Variants in CIT observed in about 807,000 individuals in gnomAD.
CIT encodes citron Rho-interacting kinase.
CIT carries 79 observed loss-of-function variants against 272.7 expected under a neutral mutation model. The ratio of observed to expected loss-of-function variants is 0.29; its 90% CI spans 0.24 to 0.35. The LOEUF is 0.35. Among genes scored for constraint, CIT ranks in the 10% least tolerant of loss-of-function variants. The probability of loss-of-function intolerance (pLI) is 1.00; values close to 1 mark genes in which losing one functional copy is unlikely to be tolerated. For missense variants in CIT, 1,909 were observed against 2,618.3 expected (o/e 0.73, Z 5.91); for synonymous variants, 948 against 995.6 (o/e 0.95, Z 0.90).
chr12:119,852,484 C>A (rs991583393), intron 4 of CIT, among the ~76,000 whole-genome samples: 2 of 150,822 alleles, frequency 1.3e-5, no homozygotes, highest in East Asian at 3.9e-4. Context: ...GAGGCCAAGG[C>A]GGGCGGATCA....
chr12:119,715,182 T>C (rs577155870), intron 32 of CIT, among the ~76,000 whole-genome samples: 81 of 152,370 alleles, frequency 5.3e-4, no homozygotes, highest in African/African-American at 1.9e-3. Flanking sequence ...TCCACCATGA[T>C]TGTGAGGCCT....
At chr12:119,766,282 G>C (rs141570377) in intron 19 of CIT, among the ~76,000 whole-genome samples, 4 of 152,262 alleles carry the variant, frequency 2.6e-5, no homozygotes, top group Non-Finnish European at 5.9e-5. Flanking sequence ...ATACAACAAT[G>C]GAGTACTATT....
chr12:119,804,063 G>T lies in CIT; in HGVS notation c.1112-674C>A. 1.7e-6 allele frequency: 1 copy of T among 601,430 alleles called. No individual in the cohort carries two copies. Among genetic ancestry groups the T allele is most frequent in the Non-Finnish European group, 2.1e-6 (1 of 479,760 alleles). 37.3% of individuals were successfully genotyped at this position (601,430 alleles called of 1,614,324 possible). Reference sequence around the variant, plus strand: ...CATCAAATCCACTGCAGTTTAATCAGCATAATGAAGCACCAGCCAAATAAA... The same window carrying T: ...CATCAAATCCACTGCAGTTTAATCATCATAATGAAGCACCAGCCAAATAAA... On this transcript the variant is annotated intron_variant, in intron 9 of 47. Coordinates refer to ENST00000392521, the MANE Select transcript of CIT (RefSeq NM_001206999.2). This position sits in a 1 kb window ranked among gnomAD's most constrained non-coding sequence, Gnocchi z 5.3.
Position 119,755,705 on chromosome 12 carries a change from G to C in CIT, c.2706+1666C>G, listed in dbSNP as rs372309485. Among the ~76,000 whole-genome samples the C allele has an allele frequency of 3.9e-5, 6 of 152,334 alleles. No individual in the cohort carries two copies. In the East Asian group the frequency reaches 1.2e-3, roughly 29 times the overall value. ...CCAGGCTACAAATTGGCACACAGCA[G>C]ACATCTGACAAATATACAGTGACTA... On this transcript the variant is annotated intron_variant, in intron 22 of 47. Transcript: ENST00000392521.
intron 10 of CIT, among the ~76,000 whole-genome samples, chr12:119,798,664 C>T (rs983498783): frequency 6.6e-6 from 1 of 152,166 alleles, no homozygotes; most frequent in Non-Finnish European, 1.5e-5. Flanking sequence ...CATTAGTATG[C>T]TTATAAGCCC....
chr12:119,693,631 G>T lies in CIT; in HGVS notation c.5883-3177C>A, dbSNP rs919480757. 4.5e-4 allele frequency among the ~76,000 whole-genome samples: 68 copies of T among 152,176 alleles called. 3 individuals are homozygous for T. Among genetic ancestry groups the T allele is most frequent in the Admixed American group, 6.5e-5 (1 of 15,274 alleles). On this transcript the variant is annotated intron_variant, in intron 46 of 47. Transcript: ENST00000392521. Reference sequence around the variant, plus strand: ...TTAAAAAAGATCTAGACATTTTCAGGGGAGGACTGTGGTGCACTGAGCAGT... The same window carrying T: ...TTAAAAAAGATCTAGACATTTTCAGTGGAGGACTGTGGTGCACTGAGCAGT...
At chr12:119,744,072 G>A (rs1959172713) in intron 23 of CIT, among the ~76,000 whole-genome samples, 1 of 152,202 alleles carries the variant, frequency 6.6e-6, no homozygotes, top group Non-Finnish European at 1.5e-5. Flanking sequence ...TAGAACAAAG[G>A]TAGAACGTAG....
chr12:119,852,539 C>G (rs147687140), intron 4 of CIT, among the ~76,000 whole-genome samples: 2,071 of 152,054 alleles, frequency 0.014, 30 homozygotes, highest in Non-Finnish European at 0.02. Context: ...CATGATGAAA[C>G]CTCGTCTCTA....
rs1246469183 is a variant in CIT at position 119,804,485 on chromosome 12, T to C, written c.1112-1096A>G. On this transcript the variant is annotated intron_variant, in intron 9 of 47. Transcript: ENST00000392521. The surrounding 1 kb of genome is among the most constrained non-coding windows in gnomAD (Gnocchi z 5.3). The stretch of plus-strand genomic sequence containing the variant: ...CCTGCCTGCCAGGGGCCAGTGCTGA[T>C]CCCAGTGACAGAGCAGCATGAGTCA... 2.0e-6 allele frequency: 2 copies of C among 985,548 alleles called. No homozygotes were observed. Among genetic ancestry groups the C allele is most frequent in the East Asian group, 2.3e-4 (2 of 8,828 alleles). 61.1% of individuals were successfully genotyped at this position (985,548 alleles called of 1,614,324 possible). A position where few individuals can be genotyped will look rare whatever the true frequency, so the allele number is the denominator to read the frequency against.
At chr12:119,740,396 G>A (rs899873879) in intron 24 of CIT, among the ~76,000 whole-genome samples, 7 of 152,000 alleles carry the variant, frequency 4.6e-5, no homozygotes, top group Non-Finnish European at 8.8e-5. Flanking sequence ...TGTTTTTATC[G>A]CTCAAGGATA....
intron 3 of CIT, among the ~76,000 whole-genome samples, chr12:119,858,154 G>A (rs1003330891): frequency 3.3e-5 from 5 of 152,120 alleles, no homozygotes; most frequent in African/African-American, 1.2e-4. Flanking sequence ...TATCCCACTA[G>A]CCCAAGGTTC....
intron 2 of CIT, among the ~76,000 whole-genome samples, chr12:119,872,828 G>A (rs1566154841): frequency 2.0e-5 from 3 of 151,974 alleles, no homozygotes; most frequent in Admixed American, 6.6e-5. Context: ...ACAGGGTCTC[G>A]TTCTGTTGCC....
At chr12:119,819,770 A>G (rs189634146) in intron 9 of CIT, among the ~76,000 whole-genome samples, 19 of 152,352 alleles carry the variant, frequency 1.2e-4, no homozygotes, top group African/African-American at 4.3e-4. Flanking sequence ...TTTATGAAAA[A>G]CAGTGCTAGA....
chr12:119,863,723 G>C lies in CIT; in HGVS notation c.238+5337C>G, dbSNP rs535873646. ...TGTATTTTTAGTATAGAGACGGGGG[G>C]GTTTCACCATGTTGGCCAGGATGGT... On this transcript the variant is annotated intron_variant, in intron 3 of 47. Transcript: ENST00000392521. 1.1e-3 allele frequency among the ~76,000 whole-genome samples: 166 copies of C among 151,696 alleles called. 1 individual carries two copies. The highest frequency in any genetic ancestry group is 3.7e-3 in the African/African-American group (151 of 41,340).
At chr12:119,814,141 T>C (rs1966925067) in intron 9 of CIT, among the ~76,000 whole-genome samples, 1 of 152,220 alleles carries the variant, frequency 6.6e-6, no homozygotes, top group African/African-American at 2.4e-5. Flanking sequence ...CAATTATTTC[T>C]AGAATAAGTT....
chr12:119,706,266 G>A lies in CIT; in HGVS notation c.5212-1811C>T, dbSNP rs965230710. ...TATACATGTACATGTATATATACCC[G>A]CAAACACTCTTTTTTATTATTTTCT... On this transcript the variant is annotated intron_variant, in intron 40 of 47. Coordinates refer to ENST00000392521, the MANE Select transcript of CIT (RefSeq NM_001206999.2). 3.3e-5 allele frequency among the ~76,000 whole-genome samples: 5 copies of A among 151,892 alleles called. No homozygotes were observed. In the South Asian group the frequency reaches 8.3e-4, roughly 25 times the overall value.
intron 28 of CIT, among the ~76,000 whole-genome samples, chr12:119,724,853 G>A (rs538315846): frequency 6.3e-5 from 9 of 143,850 alleles, no homozygotes; most frequent in East Asian, 2.2e-4. Context: ...GCAGAATGGC[G>A]TGAACCCGGG....
At position 119,822,980 on chromosome 12, in the gene CIT, C is replaced by CA. The variant is rs750143424; in HGVS notation, c.958-8dup. 53 of 1,589,226 alleles carry CA rather than the reference C, an allele frequency of 3.3e-5. No homozygotes were observed. The East Asian group carries it at 3.8e-4, about 11-fold the overall frequency. On this transcript the variant is annotated splice_region_variant and splice_polypyrimidine_tract_variant and intron_variant, in intron 8 of 47. Coordinates refer to ENST00000392521, the MANE Select transcript of CIT (RefSeq NM_001206999.2). Reference sequence around the variant, plus strand: ...CTGGAAATTTCAAAAACCGCTGTTCCAAAAAAAATAAGAGAATTATTTCCT... The same window carrying CA: ...CTGGAAATTTCAAAAACCGCTGTTCCAAAAAAAAATAAGAGAATTATTTCCT...
chr12:119,771,444 C>G (rs1044410445), intron 17 of CIT, among the ~76,000 whole-genome samples: 12 of 152,074 alleles, frequency 7.9e-5, no homozygotes, highest in African/African-American at 2.9e-4. Flanking sequence ...CTAGCAGAAA[C>G]ACAGCAGTAG....
Sources: allele counts gnomAD v4.1 joint callset (sites outside exome capture counted in the v4.1 genomes callset), GRCh38; gene constraint gnomAD v4.1.1; non-coding constraint Gnocchi (gnomAD v3.1); transcripts MANE v1.5; gene names NCBI Gene and HGNC (gene_info 2026-07-23, HGNC 2026-07-21).